The following DDX31 variants were observed in gnomAD, a reference collection of about 807,000 sequenced individuals.
DDX31 encodes DEAD-box helicase 31.
A neutral mutation model predicts 91.3 loss-of-function variants in DDX31; 70 were observed. That is an observed-to-expected ratio of 0.77 (90% CI 0.63 to 0.94). DDX31 has a LOEUF of 0.94. Among genes scored for constraint, DDX31 ranks in the 40% least tolerant of loss-of-function variants. DDX31 has a pLI of 0.00. For missense variants in DDX31, 902 were observed against 925.0 expected (o/e 0.98, Z 0.32); for synonymous variants, 362 against 350.6 (o/e 1.03, Z -0.36).
intron 14 of DDX31, chr9:132,637,917 C>T (rs1833227090): frequency 1.0e-6 from 1 of 995,306 alleles, no homozygotes. Context: ...TGACTCTTCA[C>T]AGCCGTATCT....
In DDX31 at chr9:132,594,940, G is replaced by T. The variant is rs377747166; in HGVS notation, c.2167C>A (p.Arg723Ser). The T allele has an allele frequency of 3.0e-5, 48 of 1,614,110 alleles. No individual in the cohort carries two copies. In the African/African-American group the frequency reaches 6.3e-4, roughly 21 times the overall value. ...TTTCTCCATTTTAATGTTTTCCCAC[G>T]GCCAAAGCAGGGTGTCGGCTGCAGA... ...HSLQPTPCFGRGKTLKWRKTQ... is the reference protein window; with the variant it reads ...HSLQPTPCFGSGKTLKWRKTQ... Residue 723 changes from arginine (R) to serine (S), a missense_variant, in exon 20 of 20, where the codon CGT becomes AGT. By Grantham distance (110) the Arg-to-Ser change is moderately radical. Coordinates refer to ENST00000372159, the MANE Select transcript of DDX31 (RefSeq NM_022779.9).
intron 19 of DDX31, among the ~76,000 whole-genome samples, chr9:132,596,391 C>T (rs897746827): frequency 2.0e-5 from 3 of 152,178 alleles, no homozygotes; most frequent in South Asian, 2.1e-4. Flanking sequence ...CAGGAAGACA[C>T]ATTCAAGCCA....
At chr9:132,656,034 G>C (rs1195783624) in intron 6 of DDX31, among the ~76,000 whole-genome samples, 5 of 152,076 alleles carry the variant, frequency 3.3e-5, no homozygotes, top group Non-Finnish European at 7.4e-5. Context: ...TTACTACATA[G>C]AGAAGAAGAA....
At chr9:132,600,378 C>T (rs1177069967) in intron 19 of DDX31, among the ~76,000 whole-genome samples, 1 of 151,974 alleles carries the variant, frequency 6.6e-6, no homozygotes, top group African/African-American at 2.4e-5. Flanking sequence ...CAGTGGGAAT[C>T]ATGGGAATCA....
At chr9:132,635,082 AG>A (rs1269342016) in intron 14 of DDX31, among the ~76,000 whole-genome samples, 1 of 152,146 alleles carries the variant, frequency 6.6e-6, no homozygotes, top group Non-Finnish European at 1.5e-5. Context: ...CCTCATGGTA[AG>A]GTTGCGGTTA....
At chr9:132,607,946 C>T (rs905403488) in intron 19 of DDX31, among the ~76,000 whole-genome samples, 3 of 152,276 alleles carry the variant, frequency 2.0e-5, no homozygotes, top group South Asian at 2.1e-4. Flanking sequence ...TGTTCTGACA[C>T]GTTCTACTTG....
At chr9:132,669,184 G>C (rs910721254) in intron 1 of DDX31, among the ~76,000 whole-genome samples, 1 of 152,118 alleles carries the variant, frequency 6.6e-6, no homozygotes, top group Non-Finnish European at 1.5e-5. Context: ...TTTAGGATTG[G>C]GAGGGCCTGG....
chr9:132,631,292 T>G (rs1302812173), intron 15 of DDX31, among the ~76,000 whole-genome samples: 1 of 152,170 alleles, frequency 6.6e-6, no homozygotes, highest in Non-Finnish European at 1.5e-5. Context: ...AAATGATCAA[T>G]TCTGTATGTC....
At chr9:132,655,154 T>G (rs978715426) in intron 6 of DDX31, among the ~76,000 whole-genome samples, 1 of 152,032 alleles carries the variant, frequency 6.6e-6, no homozygotes, top group Non-Finnish European at 1.5e-5. Context: ...TGTAAAGAGG[T>G]TGTAGAATAT....
rs1173799307 is a variant in DDX31, at chr9:132,632,068, A to C, written c.1464T>G (p.Asp488Glu). The change falls in exon 15 of 20, where the codon GAT (aspartate) becomes GAG (glutamate). Residue 488 changes from aspartate (D) to glutamate (E), a missense_variant. By Grantham distance (45) the Asp-to-Glu change is conservative (BLOSUM62 2). Coordinates refer to ENST00000372159, the MANE Select transcript of DDX31 (RefSeq NM_022779.9). ...LCTDVAARGL[D>E]LPQVTWIVQY... The stretch of plus-strand genomic sequence containing the variant: ...GAACAATCCACGTGACTTGAGGGAG[A>C]TCTAAGCCCCGAGCTGCAACATCCT... 6 of 1,613,406 alleles carry C rather than the reference A, an allele frequency of 3.7e-6. No homozygotes were observed. The highest frequency in any genetic ancestry group is 5.1e-6 in the Non-Finnish European group (6 of 1,179,558).
At chr9:132,665,434 T>C (rs1232827738) in intron 1 of DDX31, among the ~76,000 whole-genome samples, 2 of 152,128 alleles carry the variant, frequency 1.3e-5, no homozygotes, top group Non-Finnish European at 2.9e-5. Flanking sequence ...ACATTGGTGC[T>C]ACAGAAGAGG....
At chr9:132,622,186 T>C (rs558745857) in intron 17 of DDX31, among the ~76,000 whole-genome samples, 1 of 152,240 alleles carries the variant, frequency 6.6e-6, no homozygotes, top group East Asian at 1.9e-4. Flanking sequence ...GTTTTACAGA[T>C]GGGAAAACTG....
At chr9:132,647,165 T>C in intron 11 of DDX31, 107 bp from the exon 12 acceptor site, 1 of 973,416 alleles carries the variant, frequency 1.0e-6, no homozygotes, top group Non-Finnish European at 1.6e-6. Context: ...GGACTACGTA[T>C]GTTACCCCAT....
At chr9:132,628,696 T>C (rs1832544426) in intron 16 of DDX31, among the ~76,000 whole-genome samples, 1 of 152,150 alleles carries the variant, frequency 6.6e-6, no homozygotes, top group South Asian at 2.1e-4. Context: ...AGAGGTCATG[T>C]TAAAGTGAAC....
chr9:132,637,211 G>A (rs139144091), intron 14 of DDX31, among the ~76,000 whole-genome samples: 1 of 152,306 alleles, frequency 6.6e-6, no homozygotes, highest in Non-Finnish European at 1.5e-5. Context: ...AGCACAGTCA[G>A]CCAGCTACAT....
At chr9:132,643,778 T>C (rs772594732) in intron 13 of DDX31, among the ~76,000 whole-genome samples, 1 of 152,160 alleles carries the variant, frequency 6.6e-6, no homozygotes, top group Non-Finnish European at 1.5e-5. Flanking sequence ...ACAGATCCAT[T>C]TGTCCAGTCT....
intron 4 of DDX31, 49 bp downstream of exon 4, chr9:132,661,159 T>C (rs993079322): frequency 6.5e-7 from 1 of 1,550,318 alleles, no homozygotes; most frequent in Non-Finnish European, 8.9e-7. Flanking sequence ...TTTCGTCCGG[T>C]TATACCCACG....
intron 19 of DDX31, among the ~76,000 whole-genome samples, chr9:132,606,023 G>A (rs1015852946): frequency 4.6e-5 from 7 of 152,286 alleles, no homozygotes; most frequent in Non-Finnish European, 5.9e-5. Context: ...TTTGGGAAGC[G>A]GAGGGAAGAG....
rs569038727 is a variant in DDX31 at position 132,622,269 on chromosome 9, CA to C, written c.1713+3394del. Reference sequence around the variant, plus strand: ...GGAAGCAAGGATTCAAACTCAAACTCATATCTATCTGGGACCTGGCTCTTAC... The same window carrying C: ...GGAAGCAAGGATTCAAACTCAAACTCTATCTATCTGGGACCTGGCTCTTAC... On this transcript the variant is annotated intron_variant, in intron 17 of 19. Transcript: ENST00000372159. Among the ~76,000 whole-genome samples the C allele has an allele frequency of 3.3e-3, 508 of 152,342 alleles. 1 individual carries two copies. Among genetic ancestry groups the C allele is most frequent in the Admixed American group, 6.2e-3 (95 of 15,308 alleles).
Sources: gnomAD v4.1 joint callset for allele counts (sites outside exome capture counted in the v4.1 genomes callset) on GRCh38, gnomAD v4.1.1 for gene constraint, MANE v1.5 for transcripts, NCBI Gene and HGNC (gene_info 2026-07-23, HGNC 2026-07-21) for gene names.